Variants in CHRM3 observed in about 807,000 individuals in gnomAD.
CHRM3 encodes the protein muscarinic acetylcholine receptor M3.
In CHRM3, 11 loss-of-function variants were observed where a neutral mutation model predicts 41.8. The observed-to-expected ratio is 0.26, with a 90% CI of 0.17 to 0.44. CHRM3 has a LOEUF of 0.44. Among genes scored for constraint, CHRM3 ranks in the 20% least tolerant of loss-of-function variants. The pLI is 1.00. For synonymous variants in CHRM3, 297 were observed against 301.4 expected (o/e 0.99, Z 0.15); for missense variants, 571 against 745.4 (o/e 0.77, Z 2.72).
chr1:239,627,750 C>G (rs1441784556), intron 3 of CHRM3, among the ~76,000 whole-genome samples: 1 of 139,724 alleles, frequency 7.2e-6, no homozygotes, highest in Non-Finnish European at 1.5e-5. Flanking sequence ...TTTATTTCTC[C>G]TTCACTTATG....
At chr1:239,399,240 T>TTA (rs1220560441) in intron 1 of CHRM3, among the ~76,000 whole-genome samples, 2 of 152,138 alleles carry the variant, frequency 1.3e-5, no homozygotes, top group Non-Finnish European at 2.9e-5. Context: ...CAATTAAACA[T>TTA]TATATATATT....
At chr1:239,493,498 G>A (rs1212023387) in intron 2 of CHRM3, among the ~76,000 whole-genome samples, 1 of 152,142 alleles carries the variant, frequency 6.6e-6, no homozygotes, top group East Asian at 1.9e-4. Flanking sequence ...GCATATTTAT[G>A]AGATGAACAT....
chr1:239,668,621 T>C (rs546181918), intron 4 of CHRM3, among the ~76,000 whole-genome samples: 35 of 152,308 alleles, frequency 2.3e-4, no homozygotes, highest in African/African-American at 6.5e-4. Flanking sequence ...TCTACAGTAA[T>C]AGAATTTTGT....
At chr1:239,525,903 G>A (rs987902653) in intron 2 of CHRM3, among the ~76,000 whole-genome samples, 13 of 152,152 alleles carry the variant, frequency 8.5e-5, no homozygotes, top group Non-Finnish European at 1.3e-4. Context: ...AAACCCTGAT[G>A]CCCAGGACAC....
At chr1:239,460,487 A>AT (rs888354938) in intron 1 of CHRM3, among the ~76,000 whole-genome samples, 168 of 151,940 alleles carry the variant, frequency 1.1e-3, no homozygotes, top group African/African-American at 3.8e-3. Context: ...TTGCATTTAT[A>AT]TTTTTTTTCT....
At chr1:239,843,931 C>T (rs540208830) in intron 6 of CHRM3, among the ~76,000 whole-genome samples, 8 of 152,040 alleles carry the variant, frequency 5.3e-5, no homozygotes, top group African/African-American at 1.7e-4. Context: ...TACATACATA[C>T]GTGTCTATAT....
intron 6 of CHRM3, among the ~76,000 whole-genome samples, chr1:239,876,113 T>A (rs1677091330): frequency 6.6e-6 from 1 of 152,318 alleles, no homozygotes; most frequent in East Asian, 1.9e-4. Flanking sequence ...GTGGCAAATA[T>A]GTTCAGCTCG....
chr1:239,828,055 T>C (rs1672596143), intron 6 of CHRM3, among the ~76,000 whole-genome samples: 1 of 152,200 alleles, frequency 6.6e-6, no homozygotes, highest in Non-Finnish European at 1.5e-5. Context: ...ACGTTCTAGA[T>C]ACAAGGGAGG....
intron 4 of CHRM3, among the ~76,000 whole-genome samples, chr1:239,632,795 A>G (rs1047358491): frequency 3.9e-5 from 6 of 152,218 alleles, no homozygotes; most frequent in African/African-American, 9.6e-5. Flanking sequence ...CACTGCTAAC[A>G]TCTTACCCTA....
At chr1:239,539,113 T>C (rs1284325412) in intron 2 of CHRM3, among the ~76,000 whole-genome samples, 2 of 152,186 alleles carry the variant, frequency 1.3e-5, no homozygotes, top group Non-Finnish European at 2.9e-5. Flanking sequence ...ACTCTGGACA[T>C]AACTGCTGTG....
intron 1 of CHRM3, among the ~76,000 whole-genome samples, chr1:239,416,383 A>G (rs1661505284): frequency 6.8e-6 from 1 of 147,944 alleles, no homozygotes; most frequent in African/African-American, 2.5e-5. Context: ...TCTCGGTGGT[A>G]AAGAGTACAA....
intron 2 of CHRM3, among the ~76,000 whole-genome samples, chr1:239,516,264 A>C (rs1429948880): frequency 2.0e-5 from 3 of 151,936 alleles, no homozygotes; most frequent in African/African-American, 7.3e-5. Flanking sequence ...ATAAAGGAAA[A>C]GAGCTGTATG....
chr1:239,497,607 A>G (rs1667967850), intron 2 of CHRM3, among the ~76,000 whole-genome samples: 1 of 152,330 alleles, frequency 6.6e-6, no homozygotes, highest in African/African-American at 2.4e-5. Flanking sequence ...CTCACTTTTT[A>G]TGCTTTCGTT....
intron 3 of CHRM3, among the ~76,000 whole-genome samples, chr1:239,561,602 T>C (rs1056811477): frequency 1.9e-4 from 29 of 151,740 alleles, no homozygotes; most frequent in Non-Finnish European, 2.6e-4. Flanking sequence ...TAAGAATAGA[T>C]AATAGTAATA....
At chr1:239,759,085 C>T (rs1319572381) in intron 5 of CHRM3, among the ~76,000 whole-genome samples, 1 of 151,460 alleles carries the variant, frequency 6.6e-6, no homozygotes, top group Non-Finnish European at 1.5e-5. Flanking sequence ...TTAAATGGCT[C>T]CATACCTAAA....
At chr1:239,469,554 T>A (rs1665965520) in intron 1 of CHRM3, among the ~76,000 whole-genome samples, 1 of 152,180 alleles carries the variant, frequency 6.6e-6, no homozygotes, top group African/African-American at 2.4e-5. Context: ...TAAAAAATTT[T>A]TTTATTTTTA....
At chr1:239,687,260 T>A (rs1349761420) in intron 5 of CHRM3, among the ~76,000 whole-genome samples, 1 of 152,178 alleles carries the variant, frequency 6.6e-6, no homozygotes, top group Non-Finnish European at 1.5e-5. Context: ...TTAGTTTATT[T>A]GTTAATAACT....
At chr1:239,418,980 A>G (rs1661719500) in intron 1 of CHRM3, among the ~76,000 whole-genome samples, 1 of 152,138 alleles carries the variant, frequency 6.6e-6, no homozygotes, top group Non-Finnish European at 1.5e-5. Context: ...TGAAATAGAC[A>G]TTTAAAGACC....
intron 2 of CHRM3, among the ~76,000 whole-genome samples, chr1:239,541,153 C>A (rs2148389653): frequency 6.6e-6 from 1 of 152,198 alleles, no homozygotes; most frequent in African/African-American, 2.4e-5. Flanking sequence ...TGGGTTTTCT[C>A]CAGGTACTCA....
Sources: allele counts gnomAD v4.1 joint callset (sites outside exome capture counted in the v4.1 genomes callset), GRCh38; gene constraint gnomAD v4.1.1; transcripts MANE v1.5; gene names NCBI Gene and HGNC (gene_info 2026-07-23, HGNC 2026-07-21).